Variants in RGS22 observed in about 807,000 individuals in gnomAD.
RGS22 encodes regulator of G protein signaling 22, also known as regulator of G-protein signaling 22.
Under a neutral mutation model 172.9 loss-of-function variants are expected in RGS22, and 148 were observed. That is an observed-to-expected ratio of 0.86 (90% CI 0.75 to 0.98). The LOEUF (loss-of-function observed/expected upper bound fraction) is 0.98. Ranked by LOEUF, RGS22 falls within the 50% of genes least tolerant of loss-of-function variation. The probability of loss-of-function intolerance (pLI) is 0.00; values close to 1 mark genes in which losing one functional copy is unlikely to be tolerated. For synonymous variants in RGS22, 458 were observed against 480.2 expected (o/e 0.95, Z 0.60); for missense variants, 1,347 against 1,440.8 (o/e 0.93, Z 1.05).
intron 12 of RGS22, among the ~76,000 whole-genome samples, chr8:100,041,204 T>C (rs905075047): frequency 1.3e-5 from 2 of 152,092 alleles, no homozygotes; most frequent in Admixed American, 1.3e-4. Context: ...AATTCTAGGC[T>C]TTGGCTGGGT....
intron 20 of RGS22, 62 bp downstream of exon 20, chr8:99,996,400 G>T: frequency 1.4e-6 from 2 of 1,416,906 alleles, no homozygotes; most frequent in Non-Finnish European, 2.0e-6. Flanking sequence ...GAAAGGGAAA[G>T]AAAAACAATA....
intron 23 of RGS22, among the ~76,000 whole-genome samples, chr8:99,972,983 C>CAAAAA (rs34427659): frequency 1.4e-5 from 1 of 69,804 alleles, no homozygotes. Context: ...GACTCCATCT[C>CAAAAA]AAAAAAAAAA....
intron 5 of RGS22, among the ~76,000 whole-genome samples, chr8:100,071,861 G>A (rs1811007227): frequency 6.6e-6 from 1 of 152,204 alleles, no homozygotes; most frequent in African/African-American, 2.4e-5. Flanking sequence ...AGTATTCATT[G>A]TTAAACGCCC....
intron 3 of RGS22, among the ~76,000 whole-genome samples, chr8:100,081,176 T>C (rs1017823267): frequency 2.6e-5 from 4 of 152,158 alleles, no homozygotes; most frequent in Non-Finnish European, 5.9e-5. Context: ...GATTAACTTA[T>C]ACATGCTTAG....
chr8:100,025,444 C>G (rs1174800900), intron 14 of RGS22, among the ~76,000 whole-genome samples: 1 of 152,142 alleles, frequency 6.6e-6, no homozygotes, highest in Non-Finnish European at 1.5e-5. Context: ...ATTCAATCAC[C>G]AGCCAACCTC....
intron 14 of RGS22, among the ~76,000 whole-genome samples, chr8:100,029,209 G>C (rs1287026423): frequency 6.6e-6 from 1 of 152,188 alleles, no homozygotes; most frequent in Non-Finnish European, 1.5e-5. Flanking sequence ...TCGAGCCCCA[G>C]ATGAGACACT....
At chr8:100,044,088 T>C (rs1820450979) in intron 11 of RGS22, among the ~76,000 whole-genome samples, 1 of 152,178 alleles carries the variant, frequency 6.6e-6, no homozygotes, top group African/African-American at 2.4e-5. Context: ...TAATTTGATA[T>C]CTCCCCACAC....
intron 9 of RGS22, among the ~76,000 whole-genome samples, chr8:100,054,719 G>T (rs1822061097): frequency 6.6e-6 from 1 of 152,158 alleles, no homozygotes; most frequent in Non-Finnish European, 1.5e-5. Context: ...AAAGCATTTG[G>T]TATAGATCTC....
intron 14 of RGS22, among the ~76,000 whole-genome samples, chr8:100,033,996 A>G (rs896136305): frequency 1.3e-5 from 2 of 152,174 alleles, no homozygotes; most frequent in African/African-American, 2.4e-5. Context: ...TGACAAACCC[A>G]CAGCCAATAT....
chr8:100,104,116 G>A (rs1813715275), intron 2 of RGS22, among the ~76,000 whole-genome samples: 2 of 152,112 alleles, frequency 1.3e-5, no homozygotes, highest in Admixed American at 6.5e-5. Flanking sequence ...CCAGGAATTC[G>A]AGACTGGCCT....
rs559167313 is a variant in RGS22 at position 99,961,045 on chromosome 8, G to T, written c.*197C>A. On this transcript the variant is annotated 3_prime_UTR_variant, in exon 28 of 28. Coordinates refer to ENST00000360863, the MANE Select transcript of RGS22 (RefSeq NM_015668.5). ...AATAGCTATAATTTTAAAACTGCGAGAGTAAGACAAGCCAAATTTTCTTTA... is the reference window on the plus strand; with the variant it reads ...AATAGCTATAATTTTAAAACTGCGATAGTAAGACAAGCCAAATTTTCTTTA... 23 of 364,554 alleles carry T rather than the reference G, an allele frequency of 6.3e-5. 1 individual carries two copies. Among genetic ancestry groups the T allele is most frequent in the South Asian group, 5.2e-4 (23 of 44,604 alleles). 22.6% of individuals were successfully genotyped at this position (364,554 alleles called of 1,614,324 possible). A position where few individuals can be genotyped will look rare whatever the true frequency, so the allele number is the denominator to read the frequency against.
intron 14 of RGS22, among the ~76,000 whole-genome samples, chr8:100,031,891 C>A (rs1818857103): frequency 1.3e-5 from 2 of 152,230 alleles, no homozygotes; most frequent in Non-Finnish European, 1.5e-5. Context: ...GAATTTTCAA[C>A]CCAGAATTTC....
At chr8:100,036,501 G>A (rs933415127) in intron 14 of RGS22, among the ~76,000 whole-genome samples, 5 of 152,308 alleles carry the variant, frequency 3.3e-5, no homozygotes, top group African/African-American at 4.8e-5. Flanking sequence ...CAGCGTTTAT[G>A]TACAGAAAAT....
intron 2 of RGS22, among the ~76,000 whole-genome samples, chr8:100,098,858 T>TTTTA (rs1288433712): frequency 5.2e-5 from 1 of 19,340 alleles, no homozygotes; most frequent in African/African-American, 6.9e-4. Flanking sequence ...TATTTTATTA[T>TTTTA]TTTATTTATT....
intron 2 of RGS22, among the ~76,000 whole-genome samples, chr8:100,097,490 C>T (rs1813067539): frequency 6.6e-6 from 1 of 152,120 alleles, no homozygotes. Flanking sequence ...GCAAATGTAA[C>T]AAAAATTGTG....
chr8:99,967,273 G>A (rs1810841687), intron 23 of RGS22, among the ~76,000 whole-genome samples: 1 of 152,026 alleles, frequency 6.6e-6, no homozygotes, highest in Non-Finnish European at 1.5e-5. Flanking sequence ...CAGTGCCCTG[G>A]GTTTCAAGCA....
intron 1 of RGS22, 90 bp downstream of exon 1, chr8:100,105,807 G>C (rs1265397930): frequency 1.7e-6 from 2 of 1,156,406 alleles, no homozygotes; most frequent in African/African-American, 1.6e-5. Context: ...GATACCGCTA[G>C]GAGGGCAGGA....
intron 14 of RGS22, among the ~76,000 whole-genome samples, chr8:100,029,702 C>CAAA (rs369058108): frequency 2.6e-3 from 163 of 61,610 alleles, no homozygotes; most frequent in Non-Finnish European, 3.3e-3. Context: ...AACTCCGTCT[C>CAAA]AAAAAAAAAA....
chr8:100,004,322 A>G (rs1016406281), intron 16 of RGS22, among the ~76,000 whole-genome samples: 3 of 152,088 alleles, frequency 2.0e-5, no homozygotes, highest in African/African-American at 7.2e-5. Flanking sequence ...CTTTTCATAA[A>G]TGTTTAGTAA....
Sources: gnomAD v4.1 joint callset for allele counts (sites outside exome capture counted in the v4.1 genomes callset) on GRCh38, gnomAD v4.1.1 for gene constraint, MANE v1.5 for transcripts, NCBI Gene and HGNC (gene_info 2026-07-23, HGNC 2026-07-21) for gene names.